EMC4: variants seen among roughly 807,000 people sequenced by gnomAD.
EMC4 encodes the protein ER membrane protein complex subunit 4.
A neutral mutation model predicts 24.2 loss-of-function variants in EMC4; 9 were observed. That is an observed-to-expected ratio of 0.37 (90% CI 0.22 to 0.65). The LOEUF is 0.65. Ranked by LOEUF, EMC4 falls within the 30% of genes least tolerant of loss-of-function variation. EMC4 has a pLI of 0.59. For missense variants in EMC4, 169 were observed against 234.6 expected, an observed-to-expected ratio of 0.72 and a Z score of 1.83; for synonymous variants, 86 against 81.1, an observed-to-expected ratio of 1.06 and a Z score of -0.32.
In EMC4 at chr15:34,227,732, C is replaced by A. The variant is rs1442012863; in HGVS notation, c.241C>A (p.Pro81Thr). 1 of 1,614,104 alleles carries A rather than the reference C, an allele frequency of 6.2e-7. No individual in the cohort carries two copies. Reference protein sequence around the residue: ...DIALGPLKQIPMNLFIMYMAG... With the variant: ...DIALGPLKQITMNLFIMYMAG... ...CGCCTTGGGTCCCCTCAAACAGATT[C>A]CCATGAATCTCTTCATCATGTACAT... The change falls in exon 3 of 5, where the codon CCC becomes ACC. Residue 81 changes from proline to threonine, a missense_variant. Coordinates refer to ENST00000267750, the MANE Select transcript of EMC4 (RefSeq NM_016454.4).
rs1256793692 is a variant in EMC4 at position 34,228,595 on chromosome 15, G to A, written c.516+6G>A. 1 of 1,606,730 alleles carries A rather than the reference G, an allele frequency of 6.2e-7. No individual in the cohort carries two copies. Among genetic ancestry groups the A allele is most frequent in the Middle Eastern group, 1.7e-4 (1 of 6,006 alleles). ...CCTTCATTGAGCCCCCTGAGGTAAG[G>A]CAAAAGAAAAGCTGAATTTTGGGTA... On this transcript the variant is annotated splice_donor_region_variant and intron_variant, in intron 4 of 4. Coordinates refer to ENST00000267750, the MANE Select transcript of EMC4 (RefSeq NM_016454.4).
At chr15:34,227,545 A>G in intron 2 of EMC4, 148 bp from the exon 3 acceptor site, 1 of 741,380 alleles carries the variant, frequency 1.3e-6, no homozygotes, top group Non-Finnish European at 2.2e-6. Flanking sequence ...GGCAACGTGG[A>G]GAAGGGAAGA....
chr15:34,228,471 G>A lies in EMC4; in HGVS notation c.398G>A (p.Gly133Asp), dbSNP rs1890713995. The change falls in exon 4 of 5, where the codon GGT becomes GAT. Residue 133 changes from glycine to aspartate, a missense_variant. Transcript: ENST00000267750. ...AGTTCAAGCCAGAAGTTTCTTCAGG[G>A]TTTGGTCTATCTCATTGGGAACCTG... is the stretch of plus-strand genomic sequence containing the variant. ...LESSSQKFLQ[G>D]LVYLIGNLMG... The A allele has an allele frequency of 6.2e-7, 1 of 1,614,066 alleles. No homozygotes were observed.
At position 34,228,399 on chromosome 15, in the gene EMC4, T is replaced by C. The variant is rs754509657; in HGVS notation, c.356-30T>C. The C allele has an allele frequency of 5.0e-6, 8 of 1,610,306 alleles. No individual in the cohort carries two copies. The African/African-American group carries it at 6.7e-5, about 13-fold the overall frequency. ...ATTCGTATTGGGGGAAAGAGTTCTT[T>C]TGGTTTGACAACTTCTGTTACCGCA... On this transcript the variant is annotated intron_variant, in intron 3 of 4. Coordinates refer to ENST00000267750, the MANE Select transcript of EMC4 (RefSeq NM_016454.4).
rs1890609691 is a variant in EMC4 at position 34,225,017 on chromosome 15, C to T, written c.-98C>T. On this transcript the variant is annotated 5_prime_UTR_variant, in exon 1 of 5. Transcript: ENST00000267750. ...ACGTCGTATTCACGCGCCGGAAGTG[C>T]ATTTGCAGAGTGAGACAAAGCGGAG... The T allele has an allele frequency of 9.9e-7, 1 of 1,009,756 alleles. No individual in the cohort carries two copies. Among genetic ancestry groups the T allele is most frequent in the Non-Finnish European group, 1.5e-6 (1 of 656,316 alleles). The allele number at this position is 1,009,756 out of a possible 1,614,324, so 62.5% of individuals were successfully genotyped here.
intron 2 of EMC4, chr15:34,226,747 T>C (rs1890658897): frequency 6.6e-6 from 1 of 152,184 alleles, no homozygotes; most frequent in South Asian, 2.1e-4. Context: ...TTTCACCACG[T>C]TGGCCAGGCT....
chr15:34,229,056 T>A lies in EMC4; in HGVS notation c.516+467T>A, dbSNP rs112824723. On this transcript the variant is annotated intron_variant, in intron 4 of 4. Coordinates refer to ENST00000267750, the MANE Select transcript of EMC4 (RefSeq NM_016454.4). ...ATTATTTTTAATTAATTAATTAATT[T>A]ATTTATTTTGAGACAGAGTCTCACT... The A allele has an allele frequency of 1.7e-3, 279 of 159,452 alleles. 8 individuals carry two copies. Among genetic ancestry groups the A allele is most frequent in the African/African-American group, 4.4e-3 (183 of 41,382 alleles). The allele number at this position is 159,452 out of a possible 1,614,324, so 9.9% of individuals were successfully genotyped here. A position where few individuals can be genotyped will look rare whatever the true frequency, so the allele number is the denominator to read the frequency against.
At chr15:34,225,513 A>G (rs752499219) in intron 1 of EMC4, 23 bp from the exon 2 acceptor site, 4 of 1,560,320 alleles carry the variant, frequency 2.6e-6, no homozygotes, top group Non-Finnish European at 3.5e-6. Flanking sequence ...TTGCAGCTTT[A>G]GTTTCTTGGT....
At position 34,225,641 on chromosome 15, in the gene EMC4, G is replaced by A; in HGVS notation, c.192G>A (p.Leu64=). 6.2e-7 allele frequency: 1 copy of A among 1,613,370 alleles called. No individual in the cohort carries two copies. The highest frequency in any genetic ancestry group is 8.5e-7 in the Non-Finnish European group (1 of 1,179,358). Residue 64 remains leucine (L), a synonymous_variant, in exon 2 of 5, where the codon CTG becomes CTA. Coordinates refer to ENST00000267750, the MANE Select transcript of EMC4 (RefSeq NM_016454.4). ...DTSVQETDRI[L]VEKRCWDIAL... The stretch of plus-strand genomic sequence containing the variant: ...GCGTGCAAGAGACAGACCGGATCCT[G>A]GTGGAGAAGGTACAGAGGTATAGAT...
chr15:34,225,554 C>T lies in EMC4; in HGVS notation c.105C>T (p.Gly35=). Residue 35 remains glycine, a synonymous_variant, in exon 2 of 5, where the codon GGC becomes GGT. Coordinates refer to ENST00000267750, the MANE Select transcript of EMC4 (RefSeq NM_016454.4). ...GGGSRGRSDR[G]SGQGDSLYPV... is the part of the protein sequence containing the mutation. ...TTTTTAGGGGTCGAAGTGACCGGGG[C>T]AGTGGCCAGGGAGACTCGCTCTACC... is the stretch of plus-strand genomic sequence containing the variant. The T allele has an allele frequency of 6.2e-7, 1 of 1,614,036 alleles. No individual in the cohort carries two copies. Among genetic ancestry groups the T allele is most frequent in the Non-Finnish European group, 8.5e-7 (1 of 1,179,952 alleles).
At chr15:34,229,732 A>T in intron 4 of EMC4, 21 bp from the exon 5 acceptor site, 1 of 1,409,044 alleles carries the variant, frequency 7.1e-7, no homozygotes, top group South Asian at 1.2e-5. Flanking sequence ...TCACCTATTT[A>T]TTCTTTCTTT....
intron 3 of EMC4, chr15:34,228,097 C>T: frequency 2.2e-6 from 1 of 454,244 alleles, no homozygotes; most frequent in South Asian, 2.6e-5. Context: ...ACAGGAGAAT[C>T]ACTTGAACCT....
At chr15:34,227,668 G>T (rs779902614) in intron 2 of EMC4, 25 bp from the exon 3 acceptor site, 3 of 1,610,060 alleles carry the variant, frequency 1.9e-6, no homozygotes, top group Non-Finnish European at 2.5e-6. Flanking sequence ...TGATCAGAGG[G>T]TTAAAATTGT....
At position 34,229,791 on chromosome 15, in the gene EMC4, A is replaced by G. The variant is rs1890795371; in HGVS notation, c.*3A>G. 6.2e-7 allele frequency: 1 copy of G among 1,610,828 alleles called. No individual in the cohort carries two copies. On this transcript the variant is annotated 3_prime_UTR_variant, in exon 5 of 5. Transcript: ENST00000267750. ...GTGGTGGAGGACTGCTTTTGTGAAC[A>G]TGAGAAAGCAGCGCCTGGTCCCTAT...
rs112473788 is a variant in EMC4, at chr15:34,229,888, T to C, written c.*100T>C. 12,860 of 1,152,538 alleles carry C rather than the reference T, an allele frequency of 0.011. 144 individuals carry two copies. Among genetic ancestry groups the C allele is most frequent in the Non-Finnish European group, 0.012 (9,015 of 765,812 alleles). The allele number at this position is 1,152,538 out of a possible 1,614,324, so 71.4% of individuals were successfully genotyped here. On this transcript the variant is annotated 3_prime_UTR_variant, in exon 5 of 5. Transcript: ENST00000267750. Reference sequence around the variant, plus strand: ...AGCATACTCTTAAACTAATCACTTATGTTAAAAAGAACCAAAAGACTCTTT... The same window carrying C: ...AGCATACTCTTAAACTAATCACTTACGTTAAAAAGAACCAAAAGACTCTTT...
intron 1 of EMC4, 116 bp from the exon 2 acceptor site, chr15:34,225,420 G>C (rs1239833823): frequency 1.2e-6 from 1 of 867,510 alleles, no homozygotes; most frequent in Non-Finnish European, 1.9e-6. Context: ...GAGGGGGCTT[G>C]GTCTAATCTG....
At chr15:34,229,257 A>C (rs1354969879) in intron 4 of EMC4, 1 of 153,014 alleles carries the variant, frequency 6.5e-6, no homozygotes, top group Non-Finnish European at 1.5e-5. Context: ...CATGTTGGCC[A>C]GGCTGGTCTT....
rs562891494 is a variant in EMC4, at chr15:34,227,743, C to G, written c.252C>G (p.Leu84=). ...LGPLKQIPMN[L]FIMYMAGNTI... is the part of the protein sequence containing the mutation. ...CCCTCAAACAGATTCCCATGAATCT[C>G]TTCATCATGTACATGGCAGGCAATA... The change falls in exon 3 of 5, where the codon CTC becomes CTG. Residue 84 remains leucine (L), a synonymous_variant. Coordinates refer to ENST00000267750, the MANE Select transcript of EMC4 (RefSeq NM_016454.4). The G allele has an allele frequency of 2.5e-6, 4 of 1,614,090 alleles. No homozygotes were observed. The highest frequency in any genetic ancestry group is 2.7e-5 in the African/African-American group (2 of 75,050).
rs1006679592 is a variant in EMC4, at chr15:34,228,227, G to A, written c.356-202G>A. ...AGGTAAATTCTTAGGGACAGTTTTTGGCTAACAGGTATATAGGGGAGTGGG... is the reference window on the plus strand; with the variant it reads ...AGGTAAATTCTTAGGGACAGTTTTTAGCTAACAGGTATATAGGGGAGTGGG... On this transcript the variant is annotated intron_variant, in intron 3 of 4. Transcript: ENST00000267750. 58 of 570,932 alleles carry A rather than the reference G, an allele frequency of 1.0e-4. No homozygotes were observed. In the East Asian group the frequency reaches 1.6e-3, roughly 16 times the overall value. 35.4% of individuals were successfully genotyped at this position (570,932 alleles called of 1,614,324 possible).
Sources: gnomAD v4.1 joint callset for allele counts on GRCh38, gnomAD v4.1.1 for gene constraint, MANE v1.5 for transcripts, NCBI Gene and HGNC (gene_info 2026-07-23, HGNC 2026-07-21) for gene names.